The following SEL1L2 variants were observed in gnomAD, a reference collection of about 807,000 sequenced individuals.
SEL1L2 encodes SEL1L2 adaptor subunit of SYVN1 ubiquitin ligase.
SEL1L2 carries 89 observed loss-of-function variants against 98.8 expected under a neutral mutation model. The observed-to-expected ratio is 0.90, with a 90% CI of 0.76 to 1.07. SEL1L2 has a LOEUF of 1.07. Ranked by LOEUF, SEL1L2 falls within the 50% of genes least tolerant of loss-of-function variation. SEL1L2 has a pLI of 0.00. For missense variants in SEL1L2, 788 were observed against 812.0 expected (o/e 0.97, Z 0.36); for synonymous variants, 262 against 278.5 (o/e 0.94, Z 0.59).
intron 1 of SEL1L2, among the ~76,000 whole-genome samples, chr20:13,974,625 C>T (rs1166130486): frequency 2.0e-5 from 3 of 151,592 alleles, no homozygotes; most frequent in Non-Finnish European, 4.4e-5. Context: ...ATTACAGGTA[C>T]CCACCACCAT....
chr20:13,895,156 C>T (rs2047367100), intron 5 of SEL1L2, among the ~76,000 whole-genome samples: 1 of 152,096 alleles, frequency 6.6e-6, no homozygotes, highest in Non-Finnish European at 1.5e-5. Flanking sequence ...ATATAAAAGT[C>T]AATCAGGCTG....
At chr20:13,978,734 T>C (rs926392214) in intron 1 of SEL1L2, among the ~76,000 whole-genome samples, 1 of 151,896 alleles carries the variant, frequency 6.6e-6, no homozygotes, top group African/African-American at 2.4e-5. Flanking sequence ...AATAAAAATA[T>C]ACACAATGAA....
chr20:13,973,832 G>C (rs1345065098), intron 1 of SEL1L2, among the ~76,000 whole-genome samples: 1 of 152,074 alleles, frequency 6.6e-6, no homozygotes, highest in Non-Finnish European at 1.5e-5. Flanking sequence ...GGGTTGGGGT[G>C]CCTGGGAATC....
intron 18 of SEL1L2, among the ~76,000 whole-genome samples, chr20:13,853,365 G>A (rs770345464): frequency 7.3e-5 from 11 of 150,794 alleles, no homozygotes; most frequent in Non-Finnish European, 1.3e-4. Context: ...GTGCCACCAT[G>A]CCAGGCTGAT....
At chr20:13,867,772 A>G (rs1187861463) in intron 14 of SEL1L2, among the ~76,000 whole-genome samples, 1 of 152,162 alleles carries the variant, frequency 6.6e-6, no homozygotes, top group African/African-American at 2.4e-5. Context: ...TATTTTTCTT[A>G]TTCTAGAAAC....
At chr20:13,977,600 G>T (rs1569076687) in intron 1 of SEL1L2, among the ~76,000 whole-genome samples, 1 of 152,158 alleles carries the variant, frequency 6.6e-6, no homozygotes, top group Non-Finnish European at 1.5e-5. Context: ...GCAAAAAAAA[G>T]TGGAGTGGAA....
At chr20:13,926,119 C>G (rs919967187) in intron 3 of SEL1L2, among the ~76,000 whole-genome samples, 1 of 152,162 alleles carries the variant, frequency 6.6e-6, no homozygotes, top group South Asian at 2.1e-4. Flanking sequence ...GAGATTGAGA[C>G]CATCCTGGCT....
At chr20:13,903,388 C>G (rs1273514280) in intron 5 of SEL1L2, among the ~76,000 whole-genome samples, 1 of 152,114 alleles carries the variant, frequency 6.6e-6, no homozygotes, top group Non-Finnish European at 1.5e-5. Flanking sequence ...TTGTAAAAGT[C>G]TGTTTGGGTG....
chr20:13,880,141 C>T (rs1366534598), intron 10 of SEL1L2, among the ~76,000 whole-genome samples: 4 of 152,236 alleles, frequency 2.6e-5, no homozygotes, highest in Non-Finnish European at 5.9e-5. Flanking sequence ...AACAAGGCAG[C>T]TGGACTTTAA....
chr20:13,992,680 G>A (rs1219748088), upstream of SEL1L2, among the ~76,000 whole-genome samples: 1 of 152,098 alleles, frequency 6.6e-6, no homozygotes, highest in Admixed American at 6.6e-5. Context: ...GTATTAGCCT[G>A]TATGCAACAA....
intron 4 of SEL1L2, among the ~76,000 whole-genome samples, chr20:13,917,834 G>T (rs1477465543): frequency 9.8e-6 from 1 of 102,124 alleles, no homozygotes; most frequent in Non-Finnish European, 1.8e-5. Context: ...GTCTGGCTTT[G>T]TCACCCAGAG....
intron 18 of SEL1L2, among the ~76,000 whole-genome samples, chr20:13,854,914 A>G (rs980335062): frequency 2.0e-5 from 3 of 151,942 alleles, no homozygotes; most frequent in African/African-American, 7.3e-5. Flanking sequence ...AGCTGGGCAT[A>G]GTGGTGCGTG....
rs76702708 is a variant in SEL1L2 at position 13,960,827 on chromosome 20, T to C, written c.59-4696A>G. Among the ~76,000 whole-genome samples, 1,383 of 152,322 alleles carry C rather than the reference T, an allele frequency of 9.1e-3. 47 individuals are homozygous for C. The highest frequency in any genetic ancestry group is 0.067 in the Admixed American group (1,024 of 15,286). ...AATATTAGATCTACTTGCCTGAGGC[T>C]TTAAAAAATCTCCTTCATTATCTCT... is the stretch of plus-strand genomic sequence containing the variant. On this transcript the variant is annotated intron_variant, in intron 1 of 19. Transcript: ENST00000284951.
chr20:13,966,091 G>T (rs1414432982), intron 1 of SEL1L2, among the ~76,000 whole-genome samples: 1 of 152,236 alleles, frequency 6.6e-6, no homozygotes, highest in Non-Finnish European at 1.5e-5. Context: ...GGAAAATGGT[G>T]CCGATAGACT....
rs577626355 is a variant in SEL1L2, at chr20:13,982,715, T to C, written c.58+7762A>G. 2.6e-5 allele frequency among the ~76,000 whole-genome samples: 4 copies of C among 151,592 alleles called. No homozygotes were observed. The South Asian group carries it at 8.4e-4, about 32-fold the overall frequency. ...CAATGCCTTTTCTCTGCCTCAGTGA[T>C]ATATTTTACACTACCTTAAAGCAGC... On this transcript the variant is annotated intron_variant, in intron 1 of 19. Transcript: ENST00000284951.
At chr20:13,947,863 T>C (rs908318827) in intron 2 of SEL1L2, among the ~76,000 whole-genome samples, 1 of 152,260 alleles carries the variant, frequency 6.6e-6, no homozygotes, top group Admixed American at 6.5e-5. Flanking sequence ...CCAGTGCCTG[T>C]AGCTGCCCAC....
chr20:13,939,850 A>T (rs1399320973), intron 2 of SEL1L2, among the ~76,000 whole-genome samples: 1 of 152,058 alleles, frequency 6.6e-6, no homozygotes, highest in Non-Finnish European at 1.5e-5. Context: ...TGTTTTTAGT[A>T]GAGATGGGGT....
chr20:13,976,155 C>T (rs1014434810), intron 1 of SEL1L2, among the ~76,000 whole-genome samples: 2 of 152,176 alleles, frequency 1.3e-5, no homozygotes, highest in East Asian at 1.9e-4. Context: ...GTGCATGCCA[C>T]CACACCCAGC....
intron 5 of SEL1L2, among the ~76,000 whole-genome samples, chr20:13,908,546 C>G (rs767835553): frequency 6.6e-5 from 10 of 152,132 alleles, no homozygotes; most frequent in Non-Finnish European, 1.2e-4. Flanking sequence ...ATTCTAATTT[C>G]TGCTTCCTGG....
Sources: allele counts gnomAD v4.1 joint callset (sites outside exome capture counted in the v4.1 genomes callset), GRCh38; gene constraint gnomAD v4.1.1; transcripts MANE v1.5; gene names NCBI Gene and HGNC (gene_info 2026-07-23, HGNC 2026-07-21).